Variants in DPP10 observed in about 807,000 individuals in gnomAD.
The protein encoded by DPP10 is dipeptidyl peptidase like 10.
DPP10 carries 33 observed loss-of-function variants against 120.9 expected under a neutral mutation model. That is an observed-to-expected ratio of 0.27 (90% CI 0.21 to 0.37). DPP10 has a LOEUF of 0.37. Ranked by LOEUF, DPP10 falls within the 10% of genes least tolerant of loss-of-function variation. The pLI, the probability that DPP10 is intolerant of heterozygous loss-of-function variation, is 1.00. For missense variants in DPP10, 816 were observed against 942.8 expected, an observed-to-expected ratio of 0.87 and a Z score of 1.76; for synonymous variants, 337 against 326.1, an observed-to-expected ratio of 1.03 and a Z score of -0.36.
intron 1 of DPP10, among the ~76,000 whole-genome samples, chr2:114,606,749 T>C (rs536723540): frequency 6.6e-6 from 1 of 152,314 alleles, no homozygotes; most frequent in African/African-American, 2.4e-5. Context: ...TCATACCTTA[T>C]AAATTTTGTC....
intron 1 of DPP10, among the ~76,000 whole-genome samples, chr2:114,773,615 A>T (rs1681466804): frequency 6.6e-6 from 1 of 152,222 alleles, no homozygotes; most frequent in African/African-American, 2.4e-5. Context: ...TGTCCTTTAC[A>T]TTGAAAGGTA....
intron 1 of DPP10, among the ~76,000 whole-genome samples, chr2:114,788,770 G>T (rs1031967051): frequency 1.3e-5 from 2 of 151,942 alleles, no homozygotes; most frequent in African/African-American, 4.8e-5. Context: ...GTTTACTTTC[G>T]TGTGCATTTC....
chr2:115,422,468 C>G (rs1038762338), intron 3 of DPP10, among the ~76,000 whole-genome samples: 2 of 152,054 alleles, frequency 1.3e-5, no homozygotes, highest in Non-Finnish European at 1.5e-5. Context: ...TTTGGCTGAG[C>G]AAAAGACAAA....
chr2:114,853,381 T>C lies in DPP10; in HGVS notation c.60+410543T>C, dbSNP rs367697526. Among the ~76,000 whole-genome samples the C allele has an allele frequency of 2.0e-4, 31 of 152,322 alleles. 1 individual carries two copies. Among genetic ancestry groups the C allele is most frequent in the East Asian group, 1.5e-3 (8 of 5,182 alleles). On this transcript the variant is annotated intron_variant, in intron 1 of 25. Coordinates refer to ENST00000410059, the MANE Select transcript of DPP10 (RefSeq NM_020868.6). Reference sequence around the variant, plus strand: ...ATGATATACATCAGCAAGACCATCATTCTGATTCAGCTCTAGAATGAGGAA... The same window carrying C: ...ATGATATACATCAGCAAGACCATCACTCTGATTCAGCTCTAGAATGAGGAA...
intron 3 of DPP10, among the ~76,000 whole-genome samples, chr2:115,451,287 G>T (rs1023251368): frequency 6.6e-6 from 1 of 151,820 alleles, no homozygotes; most frequent in Admixed American, 6.6e-5. Flanking sequence ...AGGTGAAAGG[G>T]TAGAGTTTAA....
chr2:114,459,043 A>C (rs1275274068), intron 1 of DPP10, among the ~76,000 whole-genome samples: 1 of 152,254 alleles, frequency 6.6e-6, no homozygotes, highest in Admixed American at 6.5e-5. Context: ...GGTCTGAGAA[A>C]GAGGAGAATA....
At chr2:114,792,941 A>G (rs1161284680) in intron 1 of DPP10, among the ~76,000 whole-genome samples, 3 of 151,502 alleles carry the variant, frequency 2.0e-5, no homozygotes. Flanking sequence ...CATGAACAGG[A>G]CTATCAAACT....
intron 1 of DPP10, chr2:115,162,368 A>G (rs879377023): frequency 1.2e-5 from 17 of 1,368,032 alleles, no homozygotes; most frequent in African/African-American, 1.5e-5. Context: ...TTGGTTCCCC[A>G]TTAACGCACG....
intron 1 of DPP10, among the ~76,000 whole-genome samples, chr2:114,777,684 T>C (rs1681885929): frequency 6.6e-6 from 1 of 152,136 alleles, no homozygotes; most frequent in Non-Finnish European, 1.5e-5. Flanking sequence ...TCAAAGCTTC[T>C]ATCAGTAATA....
At chr2:115,736,871 A>T (rs1203891030) in intron 8 of DPP10, among the ~76,000 whole-genome samples, 1 of 152,050 alleles carries the variant, frequency 6.6e-6, no homozygotes, top group Non-Finnish European at 1.5e-5. Context: ...TGTTTTTCCT[A>T]AACCTCCCTG....
At chr2:114,909,644 T>G (rs1694217459) in intron 1 of DPP10, among the ~76,000 whole-genome samples, 1 of 152,038 alleles carries the variant, frequency 6.6e-6, no homozygotes, top group Admixed American at 6.6e-5. Flanking sequence ...AAGTCTTAGC[T>G]ACAAGTCAGA....
chr2:115,823,260 A>C lies in DPP10; in HGVS notation c.1950+7531A>C, dbSNP rs534451960. 4.6e-5 allele frequency among the ~76,000 whole-genome samples: 7 copies of C among 152,128 alleles called. 1 individual carries two copies. The highest frequency in any genetic ancestry group is 1.3e-4 in the Admixed American group (2 of 15,272). The stretch of plus-strand genomic sequence containing the variant: ...TATTATGTTTTATTTTTAATTGTGT[A>C]TGCTGAATTGGGACCACACAAACCA... On this transcript the variant is annotated intron_variant, in intron 21 of 25. Coordinates refer to ENST00000410059, the MANE Select transcript of DPP10 (RefSeq NM_020868.6).
At chr2:115,660,963 A>T (rs149120108) in intron 5 of DPP10, among the ~76,000 whole-genome samples, 18 of 95,844 alleles carry the variant, frequency 1.9e-4, no homozygotes, top group African/African-American at 5.4e-4. Flanking sequence ...TTCATATATT[A>T]TAGGCCCTAA....
chr2:114,442,896 A>T, intron 1 of DPP10, 58 bp downstream of exon 1: 13 of 1,595,054 alleles, frequency 8.2e-6, no homozygotes, highest in Non-Finnish European at 1.1e-5. Flanking sequence ...TCTACCTAAC[A>T]CATGGGCATT....
intron 1 of DPP10, among the ~76,000 whole-genome samples, chr2:114,944,680 G>T (rs1454152102): frequency 2.0e-5 from 3 of 152,132 alleles, no homozygotes; most frequent in African/African-American, 7.2e-5. Context: ...ATCACTGAAT[G>T]AGCGCTAAGG....
chr2:114,536,805 T>G (rs1366418402), intron 1 of DPP10, among the ~76,000 whole-genome samples: 1 of 152,188 alleles, frequency 6.6e-6, no homozygotes, highest in Non-Finnish European at 1.5e-5. Context: ...ACTCTAGCAT[T>G]GTCATCTTTC....
chr2:115,610,258 A>C (rs1464892884), intron 5 of DPP10, among the ~76,000 whole-genome samples: 1 of 152,136 alleles, frequency 6.6e-6, no homozygotes, highest in Non-Finnish European at 1.5e-5. Flanking sequence ...CATAAGACTC[A>C]AGATATGGCG....
At chr2:114,831,189 A>G (rs537436962) in intron 1 of DPP10, among the ~76,000 whole-genome samples, 35 of 152,144 alleles carry the variant, frequency 2.3e-4, no homozygotes, top group Middle Eastern at 3.4e-3. Context: ...TAACATTCCA[A>G]TGTTTCTGCT....
intron 3 of DPP10, among the ~76,000 whole-genome samples, chr2:115,444,669 G>C (rs1322700111): frequency 6.6e-6 from 1 of 152,186 alleles, no homozygotes; most frequent in African/African-American, 2.4e-5. Flanking sequence ...AGGTGGTCCT[G>C]TTTGAGATTG....
Sources: allele counts gnomAD v4.1 joint callset (sites outside exome capture counted in the v4.1 genomes callset), GRCh38; gene constraint gnomAD v4.1.1; transcripts MANE v1.5; gene names NCBI Gene and HGNC (gene_info 2026-07-23, HGNC 2026-07-21).